Variants in CNTNAP2 observed in about 807,000 individuals in gnomAD.
The protein encoded by CNTNAP2 is contactin associated protein 2.
A neutral mutation model predicts 155.2 loss-of-function variants in CNTNAP2; 98 were observed. That is an observed-to-expected ratio of 0.63 (90% CI 0.54 to 0.75). The LOEUF is 0.75. Among genes scored for constraint, CNTNAP2 ranks in the 30% least tolerant of loss-of-function variants. The pLI is 0.00. For synonymous variants in CNTNAP2, 651 were observed against 631.2 expected (o/e 1.03, Z -0.47); for missense variants, 1,727 against 1,688.1 (o/e 1.02, Z -0.40).
At chr7:146,235,717 G>C (rs1468962589) in intron 1 of CNTNAP2, among the ~76,000 whole-genome samples, 1 of 152,056 alleles carries the variant, frequency 6.6e-6, no homozygotes, top group Non-Finnish European at 1.5e-5. Flanking sequence ...CTCTCAGCCC[G>C]TTGGAAGTCA....
Position 147,835,765 on chromosome 7 carries a change from A to G in CNTNAP2, c.2099-67800A>G, listed in dbSNP as rs555220457. On this transcript the variant is annotated intron_variant, in intron 13 of 23. Transcript: ENST00000361727. The stretch of plus-strand genomic sequence containing the variant: ...TCCTGGACTTAGAAATCTACTCTAA[A>G]TCCACTGACTGGAGTCCTCATGAGA... Among the ~76,000 whole-genome samples, 13 of 152,300 alleles carry G rather than the reference A, an allele frequency of 8.5e-5. No homozygotes were observed. In the South Asian group the frequency reaches 2.7e-3, roughly 32 times the overall value.
chr7:146,965,011 C>T (rs899280276), intron 3 of CNTNAP2, among the ~76,000 whole-genome samples: 2 of 152,128 alleles, frequency 1.3e-5, no homozygotes, highest in African/African-American at 4.8e-5. Context: ...CCTCCTGGAG[C>T]TTATCATATG....
At chr7:147,504,797 TA>T (rs1325948538) in intron 11 of CNTNAP2, among the ~76,000 whole-genome samples, 1 of 149,058 alleles carries the variant, frequency 6.7e-6, no homozygotes, top group East Asian at 1.9e-4. Context: ...ATTTTTTGTT[TA>T]AAAATATAAT....
chr7:147,830,747 G>A (rs527672181), intron 13 of CNTNAP2, among the ~76,000 whole-genome samples: 8 of 152,120 alleles, frequency 5.3e-5, no homozygotes, highest in South Asian at 2.1e-4. Flanking sequence ...TGCTCTGTAC[G>A]CATTACTTCA....
At chr7:147,694,223 C>T (rs1236408425) in intron 13 of CNTNAP2, among the ~76,000 whole-genome samples, 1 of 151,918 alleles carries the variant, frequency 6.6e-6, no homozygotes, top group Non-Finnish European at 1.5e-5. Context: ...TCATAGTATA[C>T]AGTTCTTTCT....
chr7:148,233,032 G>A (rs146469559), intron 20 of CNTNAP2, among the ~76,000 whole-genome samples: 1 of 152,168 alleles, frequency 6.6e-6, no homozygotes, highest in African/African-American at 2.4e-5. Context: ...ACCTCCAGTG[G>A]CATCATTTGT....
rs368676639 is a variant in CNTNAP2 at position 146,626,874 on chromosome 7, T to C, written c.98-147397T>C. Among the ~76,000 whole-genome samples the C allele has an allele frequency of 1.2e-4, 18 of 152,294 alleles. No individual in the cohort carries two copies. In the South Asian group the frequency reaches 1.9e-3, roughly 16 times the overall value. On this transcript the variant is annotated intron_variant, in intron 1 of 23. Transcript: ENST00000361727. ...TAGTTATAACCTCATAGCTTTAAAA[T>C]GGAGGCCATTCTGAAGGCCTAACTT...
intron 9 of CNTNAP2, among the ~76,000 whole-genome samples, chr7:147,320,301 T>C (rs1169746398): frequency 6.6e-6 from 1 of 152,178 alleles, no homozygotes; most frequent in Non-Finnish European, 1.5e-5. Flanking sequence ...CTACAACTAG[T>C]TGCAAAGCAA....
chr7:147,756,766 TTAAC>T (rs1288582529), intron 13 of CNTNAP2, among the ~76,000 whole-genome samples: 2 of 152,200 alleles, frequency 1.3e-5, no homozygotes, highest in African/African-American at 4.8e-5. Context: ...TTTCTAGAAA[TTAAC>T]CTTTCAGGGC....
intron 1 of CNTNAP2, among the ~76,000 whole-genome samples, chr7:146,712,569 A>G (rs912823930): frequency 6.6e-6 from 1 of 151,208 alleles, no homozygotes; most frequent in Non-Finnish European, 1.5e-5. Context: ...TTAAAAGAAT[A>G]TTAATACTTG....
intron 8 of CNTNAP2, among the ~76,000 whole-genome samples, chr7:147,194,552 G>A (rs575458589): frequency 2.6e-5 from 4 of 152,130 alleles, no homozygotes; most frequent in East Asian, 1.9e-4. Context: ...CAGTGTAAAA[G>A]TGTTCCTATT....
chr7:146,328,293 T>C (rs1007720515), intron 1 of CNTNAP2, among the ~76,000 whole-genome samples: 6 of 152,160 alleles, frequency 3.9e-5, no homozygotes, highest in Non-Finnish European at 8.8e-5. Context: ...CTCCTGTCCA[T>C]GGAAAAATTG....
chr7:147,877,325 G>A lies in CNTNAP2; in HGVS notation c.2099-26240G>A, dbSNP rs369149909. 6.6e-5 allele frequency among the ~76,000 whole-genome samples: 10 copies of A among 152,098 alleles called. No individual in the cohort carries two copies. The East Asian group carries it at 9.7e-4, about 15-fold the overall frequency. ...GTCTCAGAGTAAATGTTAACCAATCGGTCAGTCCATCCATGTGTAATAGCT... is the reference window on the plus strand; with the variant it reads ...GTCTCAGAGTAAATGTTAACCAATCAGTCAGTCCATCCATGTGTAATAGCT... On this transcript the variant is annotated intron_variant, in intron 13 of 23. Coordinates refer to ENST00000361727, the MANE Select transcript of CNTNAP2 (RefSeq NM_014141.6).
chr7:147,456,704 G>A (rs1797923299), intron 10 of CNTNAP2, among the ~76,000 whole-genome samples: 1 of 151,954 alleles, frequency 6.6e-6, no homozygotes, highest in South Asian at 2.1e-4. Context: ...AGATACTTTA[G>A]AAAAATTAAT....
chr7:148,072,931 C>T (rs1803408104), intron 15 of CNTNAP2, among the ~76,000 whole-genome samples: 1 of 152,168 alleles, frequency 6.6e-6, no homozygotes, highest in Non-Finnish European at 1.5e-5. Context: ...TTGTCTCAGA[C>T]TCCTGACCTC....
chr7:146,977,892 TATA>T (rs1167563944), intron 3 of CNTNAP2, among the ~76,000 whole-genome samples: 2 of 152,102 alleles, frequency 1.3e-5, no homozygotes, highest in East Asian at 3.9e-4. Flanking sequence ...AAAACTCCAC[TATA>T]ATATTTGTGT....
intron 3 of CNTNAP2, among the ~76,000 whole-genome samples, chr7:146,918,866 G>A (rs1002387781): frequency 6.6e-6 from 1 of 152,138 alleles, no homozygotes; most frequent in Non-Finnish European, 1.5e-5. Flanking sequence ...TTGGAGGTTT[G>A]CTCCTTTTTT....
chr7:147,020,745 T>A (rs943310282), intron 3 of CNTNAP2, among the ~76,000 whole-genome samples: 2 of 152,162 alleles, frequency 1.3e-5, no homozygotes, highest in East Asian at 1.9e-4. Context: ...AAATACTTTT[T>A]AAAATATATC....
chr7:146,956,569 T>C (rs1195243127), intron 3 of CNTNAP2, among the ~76,000 whole-genome samples: 1 of 152,148 alleles, frequency 6.6e-6, no homozygotes, highest in Non-Finnish European at 1.5e-5. Context: ...AAATTTTAAA[T>C]ATACTCTCTG....
Sources: allele counts gnomAD v4.1 joint callset (sites outside exome capture counted in the v4.1 genomes callset), GRCh38; gene constraint gnomAD v4.1.1; transcripts MANE v1.5; gene names NCBI Gene and HGNC (gene_info 2026-07-23, HGNC 2026-07-21).